DCLRE1A: variants seen among roughly 807,000 people sequenced by gnomAD.
DCLRE1A encodes DNA cross-link repair 1A.
In DCLRE1A, 64 loss-of-function variants were observed where a neutral mutation model predicts 91.9. The observed-to-expected ratio is 0.70, with a 90% confidence interval of 0.57 to 0.86. DCLRE1A has a LOEUF of 0.86. Ranked by LOEUF, DCLRE1A falls within the 40% of genes least tolerant of loss-of-function variation. The pLI is 0.00. For synonymous variants in DCLRE1A, 416 were observed against 431.1 expected (o/e 0.96, Z 0.43); for missense variants, 1,145 against 1,213.3 (o/e 0.94, Z 0.84).
chr10:113,848,947 G>A lies in DCLRE1A; in HGVS notation c.2125+33C>T, dbSNP rs1321014389. 3 of 1,569,362 alleles carry A rather than the reference G, an allele frequency of 1.9e-6. 1 individual carries two copies. The highest frequency in any genetic ancestry group is 1.4e-5 in the African/African-American group (1 of 73,132). ...CACAAAGTTCAAAAACGTTGTCTTT[G>A]TTGATATATCGAGTATTGACATTTC... On this transcript the variant is annotated intron_variant, in intron 2 of 8. Coordinates refer to ENST00000361384, the MANE Select transcript of DCLRE1A (RefSeq NM_014881.5).
intron 7 of DCLRE1A, among the ~76,000 whole-genome samples, chr10:113,840,954 C>T (rs1845436416): frequency 6.6e-6 from 1 of 152,144 alleles, no homozygotes; most frequent in South Asian, 2.1e-4. Flanking sequence ...GGATACACTT[C>T]CACTATTTCA....
intron 8 of DCLRE1A, among the ~76,000 whole-genome samples, chr10:113,836,764 C>G (rs958809786): frequency 6.6e-6 from 1 of 152,340 alleles, no homozygotes; most frequent in African/African-American, 2.4e-5. Context: ...ACATTGTCAT[C>G]TATACTTCCA....
intron 2 of DCLRE1A, among the ~76,000 whole-genome samples, chr10:113,847,999 A>G (rs1845567365): frequency 6.6e-6 from 1 of 152,164 alleles, no homozygotes; most frequent in Non-Finnish European, 1.5e-5. Context: ...TTATCAACAC[A>G]TGGTTTTAGG....
chr10:113,842,795 A>C (rs1845466807), intron 5 of DCLRE1A, among the ~76,000 whole-genome samples: 2 of 152,172 alleles, frequency 1.3e-5, no homozygotes, highest in South Asian at 4.1e-4. Context: ...TTAGTTATAA[A>C]TTATAAACCT....
In DCLRE1A at chr10:113,853,199, C is replaced by T. The variant is rs765541185; in HGVS notation, c.-17G>A. 74 of 1,516,948 alleles carry T rather than the reference C, an allele frequency of 4.9e-5. 3 individuals carry two copies. The South Asian group carries it at 9.2e-4, about 19-fold the overall frequency. The allele number at this position is 1,516,948 out of a possible 1,614,324, so 94.0% of individuals were successfully genotyped here. A position where few individuals can be genotyped will look rare whatever the true frequency, so the allele number is the denominator to read the frequency against. Reference sequence around the variant, plus strand: ...TTCTAACATGGCAAAATGATTTTATCATTCAAGAAGTATTAATCTTAAGTA... The same window carrying T: ...TTCTAACATGGCAAAATGATTTTATTATTCAAGAAGTATTAATCTTAAGTA... On this transcript the variant is annotated 5_prime_UTR_variant, in exon 1 of 9. An upstream start codon of the reference 5' UTR is lost. Coordinates refer to ENST00000361384, the MANE Select transcript of DCLRE1A (RefSeq NM_014881.5).
chr10:113,848,833 C>T (rs895762682), intron 2 of DCLRE1A, 147 bp downstream of exon 2: 29 of 759,866 alleles, frequency 3.8e-5, no homozygotes, highest in East Asian at 2.8e-4. Flanking sequence ...ACCATATCTA[C>T]GTTAGAGGCT....
At position 113,835,082 on chromosome 10, in the gene DCLRE1A, T is replaced by A; in HGVS notation, c.*70A>T. 2.8e-6 allele frequency: 4 copies of A among 1,428,766 alleles called. No individual in the cohort carries two copies. Among genetic ancestry groups the A allele is most frequent in the Non-Finnish European group, 3.8e-6 (4 of 1,047,166 alleles). The allele number at this position is 1,428,766 out of a possible 1,614,324, so 88.5% of individuals were successfully genotyped here. A position where few individuals can be genotyped will look rare whatever the true frequency, so the allele number is the denominator to read the frequency against. ...TTTCCACACAAAGTGTATTTCACAT[T>A]TCTATAGATTTAACTACTAACAAGC... On this transcript the variant is annotated 3_prime_UTR_variant, in exon 9 of 9. Coordinates refer to ENST00000361384, the MANE Select transcript of DCLRE1A (RefSeq NM_014881.5).
intron 8 of DCLRE1A, among the ~76,000 whole-genome samples, chr10:113,836,621 T>C (rs2134644272): frequency 6.6e-6 from 1 of 152,262 alleles, no homozygotes; most frequent in Admixed American, 6.5e-5. Flanking sequence ...ACCCCAAACA[T>C]GTTTCCATCA....
At chr10:113,840,900 C>T (rs994730360) in intron 7 of DCLRE1A, among the ~76,000 whole-genome samples, 18 of 152,160 alleles carry the variant, frequency 1.2e-4, no homozygotes, top group Admixed American at 6.5e-4. Flanking sequence ...TCATATCATA[C>T]GTCTTAACTT....
Position 113,853,193 on chromosome 10 carries a change from T to C in DCLRE1A, c.-11A>G, listed in dbSNP as rs759657820. 28 of 1,525,622 alleles carry C rather than the reference T, an allele frequency of 1.8e-5. No homozygotes were observed. In the East Asian group the frequency reaches 6.1e-4, roughly 33 times the overall value. 94.5% of individuals were successfully genotyped at this position (1,525,622 alleles called of 1,614,324 possible). On this transcript the variant is annotated 5_prime_UTR_variant, in exon 1 of 9. Coordinates refer to ENST00000361384, the MANE Select transcript of DCLRE1A (RefSeq NM_014881.5). Reference sequence around the variant, plus strand: ...AATGTCTTCTAACATGGCAAAATGATTTTATCATTCAAGAAGTATTAATCT... The same window carrying C: ...AATGTCTTCTAACATGGCAAAATGACTTTATCATTCAAGAAGTATTAATCT...
Position 113,849,883 on chromosome 10 carries a change from C to T in DCLRE1A, c.1222G>A (p.Val408Met), listed in dbSNP as rs750840222. The T allele has an allele frequency of 1.1e-5, 18 of 1,613,836 alleles. No homozygotes were observed. Among genetic ancestry groups the T allele is most frequent in the Admixed American group, 1.7e-5 (1 of 60,012 alleles). The change falls in exon 2 of 9, where the codon GTG becomes ATG. Residue 408 changes from valine (V) to methionine (M), a missense_variant. Coordinates refer to ENST00000361384, the MANE Select transcript of DCLRE1A (RefSeq NM_014881.5). The part of the protein sequence containing the change: ...YDLACTGGDF[V>M]LFPPALAGKL... ...CCTGCCAATGCAGGTGGAAACAACA[C>T]AAAATCACCACCAGTACATGCCAGA...
At position 113,853,248 on chromosome 10, in the gene DCLRE1A, C is replaced by A; in HGVS notation, c.-66G>T. 1.5e-6 allele frequency: 2 copies of A among 1,361,748 alleles called. No individual in the cohort carries two copies. The highest frequency in any genetic ancestry group is 1.5e-5 in the South Asian group (1 of 64,688). 84.4% of individuals were successfully genotyped at this position (1,361,748 alleles called of 1,614,324 possible). On this transcript the variant is annotated 5_prime_UTR_variant, in exon 1 of 9. Transcript: ENST00000361384. ...TAAACTGAAAGTCCATTTCTTGTCACAAACAAAAAGTTATAGAATTATTTT... is the reference window on the plus strand; with the variant it reads ...TAAACTGAAAGTCCATTTCTTGTCAAAAACAAAAAGTTATAGAATTATTTT...
chr10:113,840,975 G>A (rs561400605), intron 7 of DCLRE1A, among the ~76,000 whole-genome samples: 4 of 152,036 alleles, frequency 2.6e-5, no homozygotes, highest in Admixed American at 6.6e-5. Flanking sequence ...TTTAATTGTC[G>A]CAACAAGTAA....
rs376766823 is a variant in DCLRE1A, at chr10:113,850,173, T to C, written c.932A>G (p.Asp311Gly). The change falls in exon 2 of 9, where the codon GAT becomes GGT. Residue 311 changes from aspartate (D) to glycine (G), a missense_variant. By Grantham distance (94) the Asp-to-Gly change is moderately conservative. Coordinates refer to ENST00000361384, the MANE Select transcript of DCLRE1A (RefSeq NM_014881.5). ...TGAATCATCCGGTTTTTCATCGATA[T>C]CATGAGTGTCTTCATCACTTTGAAG... ...SPLQSDEDTH[D>G]IDEKPDDSQE... 4.5e-5 allele frequency: 72 copies of C among 1,614,080 alleles called. 1 individual carries two copies. The South Asian group carries it at 7.1e-4, about 16-fold the overall frequency.
Position 113,852,893 on chromosome 10 carries a change from G to T in DCLRE1A, c.290C>A (p.Thr97Asn). ...TTGAGTTCTACAGAGTTTTCCTGGA[G>T]TAGTTTCCTTGTCTTGGGTCTGCTG... ...GIQQTQDKET[T>N]PGKLCRTQKS... is the part of the protein sequence containing the mutation. The change falls in exon 1 of 9, where the codon ACT (threonine) becomes AAT (asparagine). Residue 97 changes from threonine (T) to asparagine (N), a missense_variant. Coordinates refer to ENST00000361384, the MANE Select transcript of DCLRE1A (RefSeq NM_014881.5). The T allele has an allele frequency of 1.2e-6, 2 of 1,614,170 alleles. No homozygotes were observed. Among genetic ancestry groups the T allele is most frequent in the Non-Finnish European group, 1.7e-6 (2 of 1,180,038 alleles).
chr10:113,851,615 TTTTG>T (rs1270496165), intron 1 of DCLRE1A, among the ~76,000 whole-genome samples: 1 of 152,204 alleles, frequency 6.6e-6, no homozygotes, highest in Non-Finnish European at 1.5e-5. Flanking sequence ...TTGACACGTT[TTTTG>T]TTAGAATCTT....
At chr10:113,842,746 CTT>C (rs1013299740) in intron 5 of DCLRE1A, among the ~76,000 whole-genome samples, 1 of 151,904 alleles carries the variant, frequency 6.6e-6, no homozygotes, top group Non-Finnish European at 1.5e-5. Flanking sequence ...TTTTTGAAGA[CTT>C]TTTTCCTCCA....
chr10:113,845,893 A>G, intron 3 of DCLRE1A, 90 bp from the exon 4 acceptor site: 1 of 1,073,822 alleles, frequency 9.3e-7, no homozygotes, highest in African/African-American at 1.6e-5. Flanking sequence ...TCTTAATAAC[A>G]TCCATTTTCC....
Position 113,841,627 on chromosome 10 carries a change from C to G in DCLRE1A, c.2666-67G>C, listed in dbSNP as rs7078257. 5.4e-3 allele frequency: 7,940 copies of G among 1,480,838 alleles called. 372 individuals are homozygous for G. In the African/African-American group the frequency reaches 0.1, roughly 19 times the overall value. 91.7% of individuals were successfully genotyped at this position (1,480,838 alleles called of 1,614,324 possible). A position where few individuals can be genotyped will look rare whatever the true frequency, so the allele number is the denominator to read the frequency against. ...TTGTGAAAAAAAGTTACAGCTTAAGCAAATTTTAAGGTAAGAATTTACCAA... is the reference window on the plus strand; with the variant it reads ...TTGTGAAAAAAAGTTACAGCTTAAGGAAATTTTAAGGTAAGAATTTACCAA... On this transcript the variant is annotated intron_variant, in intron 6 of 8. Coordinates refer to ENST00000361384, the MANE Select transcript of DCLRE1A (RefSeq NM_014881.5).
Sources: gnomAD v4.1 joint callset for allele counts (sites outside exome capture counted in the v4.1 genomes callset) on GRCh38, gnomAD v4.1.1 for gene constraint, MANE v1.5 for transcripts, NCBI Gene and HGNC (gene_info 2026-07-23, HGNC 2026-07-21) for gene names.